SUPT3H: variants seen among roughly 807,000 people sequenced by gnomAD.
The protein encoded by SUPT3H is transcription initiation protein SPT3 homolog.
In SUPT3H, 44 loss-of-function variants were observed where a neutral mutation model predicts 44.3. The ratio of observed to expected loss-of-function variants is 0.99; its 90% confidence interval spans 0.78 to 1.28. The LOEUF (loss-of-function observed/expected upper bound fraction) is 1.28. Ranked by LOEUF, SUPT3H falls within the 50% of genes most tolerant of loss-of-function variation. SUPT3H has a pLI of 0.00. For missense variants in SUPT3H, 380 were observed against 387.1 expected (o/e 0.98, Z 0.15); for synonymous variants, 124 against 125.6 (o/e 0.99, Z 0.09).
At chr6:44,880,953 C>T (rs1485564610) in intron 10 of SUPT3H, among the ~76,000 whole-genome samples, 1 of 152,116 alleles carries the variant, frequency 6.6e-6, no homozygotes, top group Non-Finnish European at 1.5e-5. Flanking sequence ...ACAACCAGTA[C>T]CAGCCATTGC....
At chr6:44,960,873 G>A (rs1775930228) in intron 7 of SUPT3H, among the ~76,000 whole-genome samples, 1 of 152,038 alleles carries the variant, frequency 6.6e-6, no homozygotes, top group African/African-American at 2.4e-5. Flanking sequence ...GGGATACTAT[G>A]CAATGTGTCA....
chr6:45,280,388 C>T (rs1777802274), intron 2 of SUPT3H, among the ~76,000 whole-genome samples: 1 of 152,046 alleles, frequency 6.6e-6, no homozygotes, highest in African/African-American at 2.4e-5. Context: ...TGCCTGTAAT[C>T]CCAGCTACTC....
chr6:44,826,161 C>G (rs1767732773), downstream of SUPT3H, among the ~76,000 whole-genome samples: 1 of 152,176 alleles, frequency 6.6e-6, no homozygotes, highest in African/African-American at 2.4e-5. Flanking sequence ...ACATCTGGCC[C>G]TTATTTAACC....
chr6:45,055,593 T>C (rs1790987463), intron 3 of SUPT3H, among the ~76,000 whole-genome samples: 2 of 152,198 alleles, frequency 1.3e-5, no homozygotes, highest in African/African-American at 4.8e-5. Context: ...ATTCAACAAA[T>C]GGTGCTGGGA....
chr6:45,320,707 C>G (rs879422040), intron 2 of SUPT3H, among the ~76,000 whole-genome samples: 1 of 152,100 alleles, frequency 6.6e-6, no homozygotes, highest in Non-Finnish European at 1.5e-5. Flanking sequence ...CCCACAAAGC[C>G]AAAAATATTT....
At chr6:45,288,078 C>T (rs571548830) in intron 2 of SUPT3H, among the ~76,000 whole-genome samples, 229 of 152,212 alleles carry the variant, frequency 1.5e-3, no homozygotes, top group South Asian at 2.3e-3. Context: ...CTTACTAGAA[C>T]TTACCTAATA....
intron 2 of SUPT3H, among the ~76,000 whole-genome samples, chr6:45,311,345 G>C (rs1165091719): frequency 6.6e-6 from 1 of 152,176 alleles, no homozygotes; most frequent in African/African-American, 2.4e-5. Context: ...AATAATCAGT[G>C]TTCCTGAGGA....
chr6:45,201,192 T>G (rs1762411589), intron 2 of SUPT3H, among the ~76,000 whole-genome samples: 1 of 151,744 alleles, frequency 6.6e-6, no homozygotes, highest in East Asian at 1.9e-4. Flanking sequence ...ATTTGTAATG[T>G]GAACTAAAAG....
chr6:44,969,647 C>G (rs1423182753), intron 6 of SUPT3H, among the ~76,000 whole-genome samples: 1 of 152,104 alleles, frequency 6.6e-6, no homozygotes, highest in Non-Finnish European at 1.5e-5. Flanking sequence ...AGGAGAACGT[C>G]ATGCAATATT....
At chr6:45,046,394 G>A (rs913205066) in intron 3 of SUPT3H, among the ~76,000 whole-genome samples, 4 of 151,972 alleles carry the variant, frequency 2.6e-5, no homozygotes, top group South Asian at 2.1e-4. Flanking sequence ...GCAGTGGCAC[G>A]ATCTCAGCTC....
chr6:45,306,215 G>C (rs73735357), intron 2 of SUPT3H, among the ~76,000 whole-genome samples: 22,834 of 152,138 alleles, frequency 0.15, 1,963 homozygotes, highest in East Asian at 0.26. Flanking sequence ...GCTATTTCAA[G>C]CAAGTCCACA....
chr6:44,845,691 A>G (rs1414490697), intron 10 of SUPT3H, among the ~76,000 whole-genome samples: 3 of 152,212 alleles, frequency 2.0e-5, no homozygotes, highest in African/African-American at 7.2e-5. Context: ...CACTGGCAGA[A>G]GAAGACACAA....
chr6:44,817,330 A>G (rs984107423), intron 11 of SUPT3H, among the ~76,000 whole-genome samples: 1 of 152,092 alleles, frequency 6.6e-6, no homozygotes, highest in Non-Finnish European at 1.5e-5. Context: ...ATAAAAGGAA[A>G]CTTCCTTAAT....
At chr6:44,839,486 T>A (rs1247971173) in intron 10 of SUPT3H, among the ~76,000 whole-genome samples, 1 of 151,196 alleles carries the variant, frequency 6.6e-6, no homozygotes, top group Non-Finnish European at 1.5e-5. Context: ...AAAAAATTTT[T>A]TTTAGAGATG....
At chr6:45,108,012 A>C (rs1447811964) in intron 2 of SUPT3H, among the ~76,000 whole-genome samples, 3 of 152,236 alleles carry the variant, frequency 2.0e-5, no homozygotes, top group Non-Finnish European at 4.4e-5. Context: ...TAATGGAGAA[A>C]AGTTATCAAT....
At chr6:45,249,652 T>A (rs921488966) in intron 2 of SUPT3H, among the ~76,000 whole-genome samples, 1 of 152,078 alleles carries the variant, frequency 6.6e-6, no homozygotes, top group Non-Finnish European at 1.5e-5. Flanking sequence ...CCAAAACACA[T>A]TGTAAATTGT....
chr6:45,119,843 AT>A (rs923225597), intron 2 of SUPT3H, among the ~76,000 whole-genome samples: 5 of 152,008 alleles, frequency 3.3e-5, no homozygotes, highest in East Asian at 1.9e-4. Flanking sequence ...TTAATGATTT[AT>A]TTTTTTTAAA....
chr6:45,228,171 T>C (rs1562739842), intron 2 of SUPT3H, among the ~76,000 whole-genome samples: 1 of 152,188 alleles, frequency 6.6e-6, no homozygotes. Flanking sequence ...TTTTACAATG[T>C]TCAATTTTAT....
In SUPT3H at chr6:44,867,357, T is replaced by A. The variant is rs143592832; in HGVS notation, c.913-37500A>T. On this transcript the variant is annotated intron_variant, in intron 10 of 10. Transcript: ENST00000371459. ...AGTAGATACATGTTGGCCGGGCTGGTTTCGAACTCCTGACCTCAAGTGATC... is the reference window on the plus strand; with the variant it reads ...AGTAGATACATGTTGGCCGGGCTGGATTCGAACTCCTGACCTCAAGTGATC... Among the ~76,000 whole-genome samples, 5 of 152,200 alleles carry A rather than the reference T, an allele frequency of 3.3e-5. No individual in the cohort carries two copies. The East Asian group carries it at 9.7e-4, about 29-fold the overall frequency.
Sources: allele counts gnomAD v4.1 joint callset (sites outside exome capture counted in the v4.1 genomes callset), GRCh38; gene constraint gnomAD v4.1.1; transcripts MANE v1.5; gene names NCBI Gene and HGNC (gene_info 2026-07-23, HGNC 2026-07-21).